The following GLG1 variants were observed in gnomAD, a reference collection of about 807,000 sequenced individuals.
GLG1 encodes Golgi apparatus protein 1.
Under a neutral mutation model 160.5 loss-of-function variants are expected in GLG1, and 38 were observed. That is an observed-to-expected ratio of 0.24 (90% CI 0.18 to 0.31). The LOEUF (loss-of-function observed/expected upper bound fraction) is 0.31, where lower values mean the gene tolerates loss of function less well. GLG1 is among the 10% of genes least tolerant of loss of function. The pLI, the probability that GLG1 is intolerant of heterozygous loss-of-function variation, is 1.00. For missense variants in GLG1, 1,373 were observed against 1,505.2 expected (o/e 0.91, Z 1.45); for synonymous variants, 644 against 543.4 (o/e 1.19, Z -2.57).
chr16:74,560,927 T>A (rs1392477819), intron 1 of GLG1, among the ~76,000 whole-genome samples: 1 of 151,038 alleles, frequency 6.6e-6, no homozygotes, highest in East Asian at 2.0e-4. Context: ...AGGAAAGCTA[T>A]AAAGGCATAA....
In GLG1 at chr16:74,450,816, G is replaced by A. The variant is rs2014259675; in HGVS notation, c.*2351C>T. The A allele has an allele frequency of 6.7e-6, 1 of 150,142 alleles. No individual in the cohort carries two copies. Among genetic ancestry groups the A allele is most frequent in the South Asian group, 2.1e-4 (1 of 4,744 alleles). 9.3% of individuals were successfully genotyped at this position (150,142 alleles called of 1,614,324 possible). A position where few individuals can be genotyped will look rare whatever the true frequency, so the allele number is the denominator to read the frequency against. On this transcript the variant is annotated 3_prime_UTR_variant, in exon 26 of 26. Coordinates refer to ENST00000422840, the MANE Select transcript of GLG1 (RefSeq NM_001145667.2). ...GGAGCTGAGATCGCGCCACTGCACT[G>A]CAGCCTGGGCAACAGAGAGATACTC...
At chr16:74,464,835 T>C (rs1269380951) in intron 19 of GLG1, among the ~76,000 whole-genome samples, 2 of 151,848 alleles carry the variant, frequency 1.3e-5, no homozygotes, top group South Asian at 2.1e-4. Context: ...AGTTTAAGTT[T>C]AAAAAAAATT....
rs141904952 is a variant in GLG1 at position 74,541,193 on chromosome 16, G to A, written c.439-9040C>T. ...ACAAAGATTAGCCAGGCGTGGTGGC[G>A]CATGCCTGTAGTCCCAGCTACTTGG... On this transcript the variant is annotated intron_variant, in intron 1 of 25. Transcript: ENST00000422840. 9.5e-3 allele frequency among the ~76,000 whole-genome samples: 1,444 copies of A among 151,992 alleles called. 19 individuals are homozygous for A. The highest frequency in any genetic ancestry group is 0.033 in the African/African-American group (1,383 of 41,436).
intron 1 of GLG1, among the ~76,000 whole-genome samples, chr16:74,540,630 A>T (rs2017835731): frequency 6.6e-6 from 1 of 151,140 alleles, no homozygotes; most frequent in South Asian, 2.1e-4. Flanking sequence ...CTATCTGAAA[A>T]TTTTTTCCTC....
At chr16:74,550,237 GAAGTT>G (rs1278228779) in intron 1 of GLG1, among the ~76,000 whole-genome samples, 1 of 152,194 alleles carries the variant, frequency 6.6e-6, no homozygotes, top group African/African-American at 2.4e-5. Context: ...GCTTCTTCCT[GAAGTT>G]GAGTAAGAGA....
intron 1 of GLG1, among the ~76,000 whole-genome samples, chr16:74,588,964 G>A (rs1053758807): frequency 3.3e-5 from 5 of 151,574 alleles, no homozygotes; most frequent in South Asian, 4.2e-4. Flanking sequence ...GTGAGTGGCC[G>A]GGCATGGTGG....
At chr16:74,521,331 T>C (rs934729607) in intron 2 of GLG1, among the ~76,000 whole-genome samples, 10 of 152,052 alleles carry the variant, frequency 6.6e-5, no homozygotes, top group Admixed American at 2.6e-4. Flanking sequence ...ACTAACATGA[T>C]AGAGGGATCA....
chr16:74,606,556 A>G, intron 1 of GLG1, 101 bp downstream of exon 1: 1 of 975,916 alleles, frequency 1.0e-6, no homozygotes, highest in Non-Finnish European at 1.5e-6. Flanking sequence ...GCACAGAGGA[A>G]GCAAGGAAAG....
chr16:74,474,345 T>G, intron 13 of GLG1: 1 of 564,666 alleles, frequency 1.8e-6, no homozygotes, highest in Non-Finnish European at 3.2e-6. Context: ...TATAGAGTGT[T>G]GTTCTAGAGA....
intron 1 of GLG1, among the ~76,000 whole-genome samples, chr16:74,548,283 T>C (rs2018104657): frequency 6.6e-6 from 1 of 152,264 alleles, no homozygotes; most frequent in Non-Finnish European, 1.5e-5. Context: ...ACGGCATAAA[T>C]GATTTTGCTG....
At chr16:74,566,115 A>G (rs2018648076) in intron 1 of GLG1, among the ~76,000 whole-genome samples, 1 of 152,206 alleles carries the variant, frequency 6.6e-6, no homozygotes, top group African/African-American at 2.4e-5. Context: ...AAAGGCATAC[A>G]TGCTACAAAC....
intron 19 of GLG1, among the ~76,000 whole-genome samples, chr16:74,464,462 T>G (rs948722796): frequency 6.6e-6 from 1 of 152,216 alleles, no homozygotes; most frequent in African/African-American, 2.4e-5. Flanking sequence ...AGTAATAAAC[T>G]CCCTATCCGT....
At chr16:74,536,773 G>T (rs1254564599) in intron 1 of GLG1, among the ~76,000 whole-genome samples, 1 of 152,146 alleles carries the variant, frequency 6.6e-6, no homozygotes, top group Non-Finnish European at 1.5e-5. Context: ...TGGGGGAATG[G>T]TTACTGATTT....
chr16:74,554,505 C>G (rs1197718326), intron 1 of GLG1, among the ~76,000 whole-genome samples: 1 of 152,108 alleles, frequency 6.6e-6, no homozygotes, highest in Non-Finnish European at 1.5e-5. Flanking sequence ...GCACTCCAGC[C>G]TGGGTGACAG....
At chr16:74,487,652 T>G (rs940075864) in intron 8 of GLG1, among the ~76,000 whole-genome samples, 10 of 152,020 alleles carry the variant, frequency 6.6e-5, no homozygotes, top group African/African-American at 2.2e-4. Context: ...GACCAAAGCA[T>G]TTACATCTTT....
chr16:74,476,722 A>AT (rs1431396810), intron 12 of GLG1, among the ~76,000 whole-genome samples: 1 of 152,138 alleles, frequency 6.6e-6, no homozygotes, highest in African/African-American at 2.4e-5. Flanking sequence ...CACTCAGGGA[A>AT]TTTTTGGGGG....
rs2016062973 is a variant in GLG1, at chr16:74,493,118, C to T, written c.1073G>A (p.Arg358His). Residue 358 changes from arginine to histidine, a missense_variant, in exon 7 of 26, where the codon CGC becomes CAC. Arg to His is a conservative substitution (Grantham distance 29). Coordinates refer to ENST00000422840, the MANE Select transcript of GLG1 (RefSeq NM_001145667.2). ...ATAATCCTGGGCAATCAGCTTTTGG[C>T]GGGTTGTAAGTGCTTCTCGACACTG... ...SEKCREALTT[R>H]QKLIAQDYKV... 6.2e-7 allele frequency: 1 copy of T among 1,611,588 alleles called. No homozygotes were observed. The highest frequency in any genetic ancestry group is 8.5e-7 in the Non-Finnish European group (1 of 1,178,776).
intron 3 of GLG1, among the ~76,000 whole-genome samples, chr16:74,505,476 T>C (rs1418977563): frequency 1.3e-5 from 2 of 152,170 alleles, no homozygotes; most frequent in Non-Finnish European, 2.9e-5. Flanking sequence ...TCCCATCACT[T>C]TGGAAGACCG....
At chr16:74,544,900 A>G (rs2018003675) in intron 1 of GLG1, among the ~76,000 whole-genome samples, 3 of 152,012 alleles carry the variant, frequency 2.0e-5, no homozygotes, top group Admixed American at 1.3e-4. Context: ...AATTATAATA[A>G]TAATTATTGC....
Sources: allele counts gnomAD v4.1 joint callset (sites outside exome capture counted in the v4.1 genomes callset), GRCh38; gene constraint gnomAD v4.1.1; transcripts MANE v1.5; gene names NCBI Gene and HGNC (gene_info 2026-07-23, HGNC 2026-07-21).